Variants in SNTG2 observed in about 807,000 individuals in gnomAD.
SNTG2 encodes the protein gamma-2-syntrophin.
In SNTG2, 74 loss-of-function variants were observed where a neutral mutation model predicts 70.9. The observed-to-expected ratio is 1.04, with a 90% CI of 0.86 to 1.27. The LOEUF (loss-of-function observed/expected upper bound fraction) is 1.27. SNTG2 is among the 50% of genes most tolerant of loss of function. The pLI is 0.00. For synonymous variants in SNTG2, 278 were observed against 273.8 expected (o/e 1.02, Z -0.15); for missense variants, 717 against 690.7 (o/e 1.04, Z -0.43).
intron 4 of SNTG2, among the ~76,000 whole-genome samples, chr2:1,129,778 T>G (rs1194967329): frequency 6.6e-6 from 1 of 152,234 alleles, no homozygotes; most frequent in Admixed American, 6.5e-5. Context: ...TGCAATAGAC[T>G]CTGCCATCAA....
intron 1 of SNTG2, among the ~76,000 whole-genome samples, chr2:1,005,947 C>A (rs1352835053): frequency 6.8e-6 from 1 of 147,936 alleles, no homozygotes; most frequent in African/African-American, 2.5e-5. Flanking sequence ...TACATGCCAA[C>A]TGAATTATAT....
At chr2:1,034,269 A>G (rs1424787910) in intron 1 of SNTG2, among the ~76,000 whole-genome samples, 1 of 152,204 alleles carries the variant, frequency 6.6e-6, no homozygotes, top group African/African-American at 2.4e-5. Context: ...CCATATTCCT[A>G]CAAAAAAACT....
At chr2:1,010,193 T>C (rs899693141) in intron 1 of SNTG2, among the ~76,000 whole-genome samples, 2 of 151,936 alleles carry the variant, frequency 1.3e-5, no homozygotes, top group Non-Finnish European at 2.9e-5. Flanking sequence ...GAATGTGGCG[T>C]GAGCACTTAG....
rs374240224 is a variant in SNTG2, at chr2:1,173,111, C to A, written c.519C>A (p.Ser173Arg). The A allele has an allele frequency of 4.6e-5, 74 of 1,613,822 alleles. No individual in the cohort carries two copies. Among genetic ancestry groups the A allele is most frequent in the Middle Eastern group, 3.3e-4 (2 of 6,084 alleles). ...KLPLGSPGPSSDHSSGASSPL... is the reference protein window; with the variant it reads ...KLPLGSPGPSRDHSSGASSPL... ...CTGCAGGGTCCCCAGGGCCATCCAG[C>A]GACCACAGCAGTGGGGCCTCCTCTC... The change falls in exon 8 of 17, where the codon AGC becomes AGA. Residue 173 changes from serine (S) to arginine (R), a missense_variant. Ser to Arg is a moderately radical substitution (Grantham distance 110). Coordinates refer to ENST00000308624, the MANE Select transcript of SNTG2 (RefSeq NM_018968.4).
chr2:1,346,308 C>G (rs964260613), intron 16 of SNTG2: 2 of 152,476 alleles, frequency 1.3e-5, no homozygotes, highest in Non-Finnish European at 2.9e-5. Context: ...CTGAGAGCCC[C>G]CCGCATCCAA....
At chr2:1,240,056 C>T (rs182144006) in intron 11 of SNTG2, among the ~76,000 whole-genome samples, 34 of 152,208 alleles carry the variant, frequency 2.2e-4, no homozygotes, top group African/African-American at 7.7e-4. Context: ...TGTAAAGAAT[C>T]GTGATTTAAA....
intron 4 of SNTG2, among the ~76,000 whole-genome samples, chr2:1,122,295 T>G (rs1314041608): frequency 6.6e-6 from 1 of 152,150 alleles, no homozygotes; most frequent in Non-Finnish European, 1.5e-5. Flanking sequence ...TGAACAAAGA[T>G]GTCACTAACA....
At position 1,367,360 on chromosome 2, in the gene SNTG2, C is replaced by G. The variant is rs910502902; in HGVS notation, c.1506C>G (p.Asp502Glu). ...TCCTCCAGGAACTCGAGTTCCAGGA[C>G]CTGAGGGCTGTCCTGCACTGCATCC... ...QIETKELEFQ[D>E]LRAVLHCIHS... Residue 502 changes from aspartate to glutamate, a missense_variant, in exon 17 of 17, where the codon GAC becomes GAG. Asp to Glu is a conservative substitution (Grantham distance 45). Coordinates refer to ENST00000308624, the MANE Select transcript of SNTG2 (RefSeq NM_018968.4). 1.9e-6 allele frequency: 3 copies of G among 1,547,390 alleles called. No homozygotes were observed. In the East Asian group the frequency reaches 7.4e-5, roughly 38 times the overall value.
At position 1,364,233 on chromosome 2, in the gene SNTG2, C is replaced by T. The variant is rs561263762; in HGVS notation, c.1489-3110C>T. On this transcript the variant is annotated intron_variant, in intron 16 of 16. Transcript: ENST00000308624. ...CTAACTTCAGGTGATCCATCTACCT[C>T]GGCCTCCCAAAGTGCTGGGATTACA... is the stretch of plus-strand genomic sequence containing the variant. Among the ~76,000 whole-genome samples the T allele has an allele frequency of 3.3e-5, 5 of 151,970 alleles. No homozygotes were observed. In the East Asian group the frequency reaches 5.9e-4, roughly 18 times the overall value.
chr2:1,255,809 C>G lies in SNTG2; in HGVS notation c.1006-3561C>G, dbSNP rs1310745708. ...GTGTGTGTGTATATATATATATACA[C>G]AAAGTTGTATGTATATATATATAAA... On this transcript the variant is annotated intron_variant, in intron 12 of 16. Transcript: ENST00000308624. Among the ~76,000 whole-genome samples, 3 of 110,824 alleles carry G rather than the reference C, an allele frequency of 2.7e-5. No homozygotes were observed. In the Admixed American group the frequency reaches 3.2e-4, roughly 12 times the overall value. 72.7% of individuals were successfully genotyped at this position (110,824 alleles called of 152,430 possible). A position where few individuals can be genotyped will look rare whatever the true frequency, so the allele number is the denominator to read the frequency against.
chr2:1,034,402 C>CATA, intron 1 of SNTG2, among the ~76,000 whole-genome samples: 1 of 152,162 alleles, frequency 6.6e-6, no homozygotes, highest in Non-Finnish European at 1.5e-5. Flanking sequence ...GTGAATAGCG[C>CATA]TGCATTGAAC....
At chr2:1,216,710 G>T (rs1378770739) in intron 9 of SNTG2, among the ~76,000 whole-genome samples, 3 of 152,150 alleles carry the variant, frequency 2.0e-5, no homozygotes, top group Non-Finnish European at 2.9e-5. Context: ...AGTCCCTCTG[G>T]GTCCTTGTGT....
At chr2:951,615 A>G (rs1456354803) in intron 1 of SNTG2, among the ~76,000 whole-genome samples, 1 of 152,224 alleles carries the variant, frequency 6.6e-6, no homozygotes, top group Non-Finnish European at 1.5e-5. Flanking sequence ...TCTTTTTTGA[A>G]GTCTATTCTG....
Position 1,290,402 on chromosome 2 carries a change from G to C in SNTG2, c.1285-18092G>C, listed in dbSNP as rs182649026. The stretch of plus-strand genomic sequence containing the variant: ...TGATCTTGGCTTACTGCAACCTCCG[G>C]CTCCCAGGTTCCAGCAATTCTTCTA... On this transcript the variant is annotated intron_variant, in intron 14 of 16. Transcript: ENST00000308624. 4.5e-3 allele frequency among the ~76,000 whole-genome samples: 679 copies of C among 151,658 alleles called. 7 individuals are homozygous for C. Among genetic ancestry groups the C allele is most frequent in the African/African-American group, 0.015 (637 of 41,314 alleles).
chr2:1,137,955 C>G lies in SNTG2; in HGVS notation c.411+146C>G, dbSNP rs1434634106. 1.2e-5 allele frequency: 10 copies of G among 852,742 alleles called. No homozygotes were observed. The East Asian group carries it at 1.8e-4, about 16-fold the overall frequency. 52.8% of individuals were successfully genotyped at this position (852,742 alleles called of 1,614,324 possible). A position where few individuals can be genotyped will look rare whatever the true frequency, so the allele number is the denominator to read the frequency against. On this transcript the variant is annotated intron_variant, in intron 6 of 16. Coordinates refer to ENST00000308624, the MANE Select transcript of SNTG2 (RefSeq NM_018968.4). The stretch of plus-strand genomic sequence containing the variant: ...CTCAAAGGTTTAGTAAATCATGTTA[C>G]AAAAGGACCTTAATAAACTGCCCAC...
At chr2:1,195,587 A>C (rs1672859979) in intron 8 of SNTG2, among the ~76,000 whole-genome samples, 1 of 152,098 alleles carries the variant, frequency 6.6e-6, no homozygotes. Flanking sequence ...TTTTCTTGTA[A>C]ATCTGTTTAA....
At chr2:1,197,515 ATGTGTGTGTGTG>A (rs71299845) in intron 8 of SNTG2, among the ~76,000 whole-genome samples, 66 of 128,372 alleles carry the variant, frequency 5.1e-4, no homozygotes, top group East Asian at 1.9e-3. Flanking sequence ...ATGTATATAT[ATGTGTGTGTGTG>A]TGTGTGTGTG....
At chr2:1,322,496 T>A (rs1681576936) in intron 16 of SNTG2, among the ~76,000 whole-genome samples, 1 of 152,210 alleles carries the variant, frequency 6.6e-6, no homozygotes, top group East Asian at 1.9e-4. Context: ...TTTAACTGTT[T>A]AAACCTGAGT....
chr2:1,011,406 TATG>T (rs1659725135), intron 1 of SNTG2, among the ~76,000 whole-genome samples: 1 of 152,230 alleles, frequency 6.6e-6, no homozygotes, highest in South Asian at 2.1e-4. Context: ...ACTAAATAAA[TATG>T]ATAACACCAT....
Sources: gnomAD v4.1 joint callset for allele counts (sites outside exome capture counted in the v4.1 genomes callset) on GRCh38, gnomAD v4.1.1 for gene constraint, MANE v1.5 for transcripts, NCBI Gene and HGNC (gene_info 2026-07-23, HGNC 2026-07-21) for gene names.